The following FERMT2 variants were observed in gnomAD, a reference collection of about 807,000 sequenced individuals.
The protein encoded by FERMT2 is fermitin family homolog 2.
A neutral mutation model predicts 82.7 loss-of-function variants in FERMT2; 15 were observed. The observed-to-expected ratio is 0.18, with a 90% CI of 0.12 to 0.28. The LOEUF (loss-of-function observed/expected upper bound fraction) is 0.28. Among genes scored for constraint, FERMT2 ranks in the 10% least tolerant of loss-of-function variants. FERMT2 has a pLI of 1.00. For missense variants in FERMT2, 645 were observed against 809.4 expected, an observed-to-expected ratio of 0.80 and a Z score of 2.46; for synonymous variants, 274 against 271.5, an observed-to-expected ratio of 1.01 and a Z score of -0.09.
intron 2 of FERMT2, among the ~76,000 whole-genome samples, chr14:52,940,079 G>A (rs1246418298): frequency 6.6e-6 from 1 of 152,096 alleles, no homozygotes; most frequent in African/African-American, 2.4e-5. Context: ...GTAAAAATAA[G>A]ACAGTTAAAT....
chr14:52,916,942 T>C (rs980978017), intron 3 of FERMT2, among the ~76,000 whole-genome samples: 1 of 152,196 alleles, frequency 6.6e-6, no homozygotes, highest in Non-Finnish European at 1.5e-5. Context: ...TAAAAACATA[T>C]TTAGCTTTGT....
At chr14:52,864,979 T>A in intron 10 of FERMT2, 126 bp from the exon 11 acceptor site, 1 of 641,700 alleles carries the variant, frequency 1.6e-6, no homozygotes, top group Non-Finnish European at 2.8e-6. Flanking sequence ...TATGAAGGCA[T>A]CTGCTGCAGA....
At chr14:52,922,976 T>C (rs1373746348) in intron 2 of FERMT2, among the ~76,000 whole-genome samples, 1 of 152,172 alleles carries the variant, frequency 6.6e-6, no homozygotes, top group East Asian at 1.9e-4. Flanking sequence ...CACACCTAGG[T>C]TATATGGTAT....
At chr14:52,878,016 A>T (rs1886074188) in intron 7 of FERMT2, among the ~76,000 whole-genome samples, 1 of 152,194 alleles carries the variant, frequency 6.6e-6, no homozygotes, top group Non-Finnish European at 1.5e-5. Context: ...ATAATTCTGA[A>T]GGAGGTGGTA....
intron 3 of FERMT2, among the ~76,000 whole-genome samples, chr14:52,903,579 CACT>C (rs1566740980): frequency 6.6e-6 from 1 of 151,012 alleles, no homozygotes; most frequent in Non-Finnish European, 1.5e-5. Context: ...AAAAAAAAAA[CACT>C]ACCAGGACTA....
intron 2 of FERMT2, among the ~76,000 whole-genome samples, chr14:52,946,727 G>C (rs965041698): frequency 6.6e-6 from 1 of 151,734 alleles, no homozygotes; most frequent in Non-Finnish European, 1.5e-5. Flanking sequence ...CGCTTAGGCT[G>C]GGTGGTGTGA....
chr14:52,901,738 C>T (rs1202808422), intron 3 of FERMT2, among the ~76,000 whole-genome samples: 1 of 152,316 alleles, frequency 6.6e-6, no homozygotes, highest in East Asian at 1.9e-4. Flanking sequence ...GAACCAAATT[C>T]TACCAAGCAA....
chr14:52,881,931 T>A, intron 4 of FERMT2: 1 of 455,940 alleles, frequency 2.2e-6, no homozygotes, highest in Admixed American at 3.5e-5. Flanking sequence ...AAAAACAGAT[T>A]TTCCCTAATT....
chr14:52,861,015 A>G, intron 12 of FERMT2: 1 of 1,526,182 alleles, frequency 6.6e-7, no homozygotes, highest in Non-Finnish European at 8.8e-7. Flanking sequence ...AGAACTTACC[A>G]AATCTCTTAT....
intron 2 of FERMT2, among the ~76,000 whole-genome samples, chr14:52,938,763 C>T (rs1243132824): frequency 1.3e-5 from 2 of 151,994 alleles, no homozygotes; most frequent in South Asian, 2.1e-4. Flanking sequence ...GTCAGGGTTT[C>T]GCCATGTTGG....
Position 52,858,144 on chromosome 14 carries a change from T to TTTCAA in FERMT2, c.*228_*232dup, listed in dbSNP as rs1202232080. 8.6e-6 allele frequency: 4 copies of TTTCAA among 462,894 alleles called. No individual in the cohort carries two copies. The highest frequency in any genetic ancestry group is 5.8e-5 in the African/African-American group (3 of 51,550). The allele number at this position is 462,894 out of a possible 1,614,324, so 28.7% of individuals were successfully genotyped here. ...TTCCTGATTTGCCCACTATTTCAGT[T>TTTCAA]TTCAATTCATGGCCCTAAGGAATGT... On this transcript the variant is annotated 3_prime_UTR_variant, in exon 15 of 15. Coordinates refer to ENST00000341590, the MANE Select transcript of FERMT2 (RefSeq NM_006832.3).
chr14:52,866,054 C>A (rs1333081946), intron 10 of FERMT2, among the ~76,000 whole-genome samples: 2 of 152,170 alleles, frequency 1.3e-5, no homozygotes, highest in Admixed American at 6.5e-5. Flanking sequence ...AGTACACAAT[C>A]TTTTGCACAA....
At chr14:52,916,653 C>T (rs375563982) in intron 3 of FERMT2, among the ~76,000 whole-genome samples, 203 of 152,220 alleles carry the variant, frequency 1.3e-3, no homozygotes, top group Non-Finnish European at 2.2e-3. Context: ...ATGTACAACA[C>T]CAGAAGTGAA....
In FERMT2 at chr14:52,885,312, C is replaced by CAAAAAA. The variant is rs1181582996; in HGVS notation, c.527-3849_527-3844dup. Among the ~76,000 whole-genome samples the CAAAAAA allele has an allele frequency of 1.8e-3, 110 of 61,066 alleles. 10 individuals are homozygous for CAAAAAA. The highest frequency in any genetic ancestry group is 2.1e-3 in the Non-Finnish European group (76 of 35,626). The allele number at this position is 61,066 out of a possible 152,430, so 40.1% of individuals were successfully genotyped here. A position where few individuals can be genotyped will look rare whatever the true frequency, so the allele number is the denominator to read the frequency against. ...TGGGTAACAGGGCGAGACTTAGTCT[C>CAAAAAA]AAAAAAAAAAAAAAAAAAAAAAAAA... On this transcript the variant is annotated intron_variant, in intron 4 of 14. Transcript: ENST00000341590.
chr14:52,892,166 G>GGTTT (rs1269194279), intron 4 of FERMT2, among the ~76,000 whole-genome samples: 1 of 128,862 alleles, frequency 7.8e-6, no homozygotes, highest in African/African-American at 2.9e-5. Flanking sequence ...GCTGTTTTTT[G>GGTTT]TTTTTTTTTT....
At position 52,919,219 on chromosome 14, in the gene FERMT2, G is replaced by C. The variant is rs556578889; in HGVS notation, c.295C>G (p.Leu99Val). The C allele has an allele frequency of 5.6e-6, 9 of 1,614,086 alleles. No homozygotes were observed. Among genetic ancestry groups the C allele is most frequent in the Admixed American group, 1.7e-5 (1 of 60,024 alleles). ...KLQFTPQHKLLRLQLPNMKYV... is the reference protein window; with the variant it reads ...KLQFTPQHKLVRLQLPNMKYV... ...TTCATGTTGGGAAGCTGCAGGCGGA[G>C]CAGTTTGTGCTGAGGGGTGAACTGA... The change falls in exon 3 of 15, where the codon CTC (leucine) becomes GTC (valine). Residue 99 changes from leucine (L) to valine (V), a missense_variant. Leu to Val is a conservative substitution (Grantham distance 32). Transcript: ENST00000341590.
intron 3 of FERMT2, among the ~76,000 whole-genome samples, chr14:52,915,173 A>T (rs1888548547): frequency 6.6e-6 from 1 of 152,240 alleles, no homozygotes; most frequent in Admixed American, 6.5e-5. Flanking sequence ...GATTACTTCA[A>T]CAAAAGGAGA....
chr14:52,939,985 A>G (rs878989925), intron 2 of FERMT2, among the ~76,000 whole-genome samples: 1 of 152,240 alleles, frequency 6.6e-6, no homozygotes, highest in African/African-American at 2.4e-5. Flanking sequence ...TAAGAAAAAG[A>G]TATCAAAAAC....
At chr14:52,943,134 G>C (rs1326351748) in intron 2 of FERMT2, among the ~76,000 whole-genome samples, 6 of 145,464 alleles carry the variant, frequency 4.1e-5, no homozygotes, top group African/African-American at 1.6e-4. Context: ...CTTGAACTTG[G>C]GAGGCGGAGG....
Sources: gnomAD v4.1 joint callset for allele counts (sites outside exome capture counted in the v4.1 genomes callset) on GRCh38, gnomAD v4.1.1 for gene constraint, MANE v1.5 for transcripts, NCBI Gene and HGNC (gene_info 2026-07-23, HGNC 2026-07-21) for gene names.